The following DCAF4 variants were observed in gnomAD, a reference collection of about 807,000 sequenced individuals.
DCAF4 encodes DDB1- and CUL4-associated factor 4.
A neutral mutation model predicts 60.9 loss-of-function variants in DCAF4; 37 were observed. The ratio of observed to expected loss-of-function variants is 0.61; its 90% CI spans 0.47 to 0.80. The LOEUF (loss-of-function observed/expected upper bound fraction) is 0.80, where lower values mean the gene tolerates loss of function less well. DCAF4 is among the 30% of genes least tolerant of loss of function. The pLI is 0.00. For missense variants in DCAF4, 577 were observed against 650.0 expected (o/e 0.89, Z 1.22); for synonymous variants, 243 against 254.8 (o/e 0.95, Z 0.44).
intron 9 of DCAF4, among the ~76,000 whole-genome samples, chr14:72,952,352 G>T (rs747290907): frequency 4.6e-5 from 7 of 152,152 alleles, no homozygotes; most frequent in Non-Finnish European, 8.8e-5. Flanking sequence ...GACCTGGCAC[G>T]AATCCCAGCT....
At position 72,939,862 on chromosome 14, in the gene DCAF4, G is replaced by A. The variant is rs140377003; in HGVS notation, c.153G>A (p.Pro51=). 2.6e-5 allele frequency: 42 copies of A among 1,611,948 alleles called. No homozygotes were observed. In the Middle Eastern group the frequency reaches 2.6e-3, roughly 101 times the overall value. Residue 51 remains proline (P), a synonymous_variant, in exon 3 of 14, where the codon CCG becomes CCA. Coordinates refer to ENST00000358377, the MANE Select transcript of DCAF4 (RefSeq NM_015604.4). ...CCGGCCACGGTGATGACGAGTCTCC[G>A]TCAACCTCGTCTGGCACAGCTGGGA... ...HDSGHGDDES[P]STSSGTAGTS...
At chr14:72,953,933 C>T (rs1891924460) in intron 9 of DCAF4, among the ~76,000 whole-genome samples, 1 of 150,070 alleles carries the variant, frequency 6.7e-6, no homozygotes, top group African/African-American at 2.5e-5. Context: ...CAGTACTATT[C>T]GTACTGTAAA....
chr14:72,934,040 A>G (rs1888924942), intron 1 of DCAF4, among the ~76,000 whole-genome samples: 1 of 151,990 alleles, frequency 6.6e-6, no homozygotes. Context: ...CAGAGTCCTC[A>G]TGATCATGCC....
chr14:72,951,979 G>A, intron 9 of DCAF4, 102 bp downstream of exon 9: 4 of 1,259,244 alleles, frequency 3.2e-6, no homozygotes, highest in Admixed American at 1.7e-5. Context: ...AGGCACTGTG[G>A]GAGGATTCCC....
chr14:72,940,204 A>AT lies in DCAF4; in HGVS notation c.194-9dup, dbSNP rs779881989. 2.5e-6 allele frequency: 4 copies of AT among 1,613,634 alleles called. No individual in the cohort carries two copies. Among genetic ancestry groups the AT allele is most frequent in the South Asian group, 2.2e-5 (2 of 91,000 alleles). On this transcript the variant is annotated splice_polypyrimidine_tract_variant and intron_variant, in intron 3 of 13. Transcript: ENST00000358377. ...ACAGTGGTTGAAATTGGTGCATTTA[A>AT]TTTTTTTGTCTAAAGAGCTACCTGG...
Position 72,958,793 on chromosome 14 carries a change from C to T in DCAF4, c.1476C>T (p.Tyr492=). 6.4e-7 allele frequency: 1 copy of T among 1,563,668 alleles called. No homozygotes were observed. The highest frequency in any genetic ancestry group is 1.2e-5 in the South Asian group (1 of 81,820). Residue 492 remains tyrosine, a synonymous_variant, in exon 14 of 14, where the codon TAC becomes TAT. Transcript: ENST00000358377. ...LMAVGQDLYC[Y]SYS The stretch of plus-strand genomic sequence containing the variant: ...CTGTCGGGCAGGACCTTTACTGTTA[C>T]TCCTACAGCTAATTCTGCAGGGCAC...
Position 72,935,499 on chromosome 14 carries a change from C to T in DCAF4, c.-8-2472C>T, listed in dbSNP as rs192696217. 3.4e-3 allele frequency among the ~76,000 whole-genome samples: 512 copies of T among 152,378 alleles called. 1 individual carries two copies. Among genetic ancestry groups the T allele is most frequent in the Non-Finnish European group, 5.4e-3 (365 of 68,046 alleles). ...CAAACTCCTGACCTCAGGTGATCCA[C>T]CCGCATCGGCCTCCCAAAGTGTTGG... On this transcript the variant is annotated intron_variant, in intron 1 of 13. Coordinates refer to ENST00000358377, the MANE Select transcript of DCAF4 (RefSeq NM_015604.4).
chr14:72,946,995 C>T (rs1441929975), intron 7 of DCAF4, 147 bp from the exon 8 acceptor site: 2 of 1,040,110 alleles, frequency 1.9e-6, no homozygotes, highest in Admixed American at 3.7e-5. Flanking sequence ...TGCTTAAGCC[C>T]CACCCTCAGA....
chr14:72,927,511 C>T (rs1326766928), intron 1 of DCAF4, among the ~76,000 whole-genome samples: 8 of 152,066 alleles, frequency 5.3e-5, no homozygotes, highest in Non-Finnish European at 1.0e-4. Flanking sequence ...ACCACCTCGC[C>T]CGGCTAATTT....
At chr14:72,943,804 G>T (rs2140250076) in intron 6 of DCAF4, among the ~76,000 whole-genome samples, 1 of 152,286 alleles carries the variant, frequency 6.6e-6, no homozygotes, top group Non-Finnish European at 1.5e-5. Context: ...AGTGAGAGGA[G>T]GATACAGAGG....
chr14:72,929,427 C>T (rs1368311301), intron 1 of DCAF4, among the ~76,000 whole-genome samples: 2 of 152,344 alleles, frequency 1.3e-5, no homozygotes, highest in South Asian at 4.1e-4. Context: ...TGCTGCCGCG[C>T]GTGGTGGCTC....
intron 1 of DCAF4, among the ~76,000 whole-genome samples, chr14:72,934,296 G>A (rs960978292): frequency 6.6e-6 from 1 of 152,078 alleles, no homozygotes; most frequent in Non-Finnish European, 1.5e-5. Flanking sequence ...GGGGATTGCA[G>A]GCGCCCACTA....
downstream of DCAF4, among the ~76,000 whole-genome samples, chr14:72,961,471 A>G (rs1387636125): frequency 6.6e-6 from 1 of 152,196 alleles, no homozygotes; most frequent in African/African-American, 2.4e-5. Flanking sequence ...ATTTGGTCCA[A>G]TTGATCTTGA....
At chr14:72,957,264 G>A (rs1318123798) in intron 13 of DCAF4, 1 of 152,224 alleles carries the variant, frequency 6.6e-6, no homozygotes, top group Non-Finnish European at 1.5e-5. Context: ...CCATCCCTGT[G>A]GCTCCATGAT....
At chr14:72,941,186 G>A (rs4903079) in intron 4 of DCAF4, among the ~76,000 whole-genome samples, 30,070 of 151,936 alleles carry the variant, frequency 0.2, 3,697 homozygotes, top group East Asian at 0.43. Context: ...GGCTGGTCTC[G>A]AACTCCTGGC....
At chr14:72,946,419 A>G in intron 7 of DCAF4, among the ~76,000 whole-genome samples, 1 of 152,082 alleles carries the variant, frequency 6.6e-6, no homozygotes, top group East Asian at 1.9e-4. Flanking sequence ...AAATGGATTT[A>G]TGGTTGCTGA....
chr14:72,930,637 G>C (rs1003305009), intron 1 of DCAF4, among the ~76,000 whole-genome samples: 4 of 137,996 alleles, frequency 2.9e-5, no homozygotes, highest in Non-Finnish European at 6.6e-5. Context: ...GTGTATGTGT[G>C]TGTGTATATA....
Position 72,940,312 on chromosome 14 carries a change from A to G in DCAF4, c.286A>G (p.Ile96Val). Residue 96 changes from isoleucine to valine, a missense_variant, in exon 4 of 14, where the codon ATC (isoleucine) becomes GTC (valine). Coordinates refer to ENST00000358377, the MANE Select transcript of DCAF4 (RefSeq NM_015604.4). ...CTGCAACCCCCTGACGAAAGAGAGC[A>G]TCCGGCAGAAGGAGATGGAGAGCAA... ...NNCNPLTKES[I>V]RQKEMESKRL... 6.2e-7 allele frequency: 1 copy of G among 1,614,194 alleles called. No homozygotes were observed.
intron 5 of DCAF4, chr14:72,942,704 T>G (rs189794258): frequency 3.0e-6 from 1 of 332,674 alleles, no homozygotes; most frequent in East Asian, 6.3e-5. Context: ...TTTCGTCATC[T>G]CAGGGGAAGG....
Sources: allele counts gnomAD v4.1 joint callset (sites outside exome capture counted in the v4.1 genomes callset), GRCh38; gene constraint gnomAD v4.1.1; transcripts MANE v1.5; gene names NCBI Gene and HGNC (gene_info 2026-07-23, HGNC 2026-07-21).